PLXNC1: variants seen among roughly 807,000 people sequenced by gnomAD.
PLXNC1 encodes plexin-C1.
In PLXNC1, 75 loss-of-function variants were observed where a neutral mutation model predicts 178.2. That is an observed-to-expected ratio of 0.42 (90% confidence interval 0.35 to 0.51). PLXNC1 has a LOEUF of 0.51. Among genes scored for constraint, PLXNC1 ranks in the 20% least tolerant of loss-of-function variants. The pLI is 0.02. For synonymous variants in PLXNC1, 790 were observed against 779.9 expected (o/e 1.01, Z -0.22); for missense variants, 1,503 against 1,984.4 (o/e 0.76, Z 4.61).
At chr12:94,294,603 CCT>C (rs1967720776) in intron 24 of PLXNC1, 63 bp downstream of exon 24, 1 of 724,882 alleles carries the variant, frequency 1.4e-6, no homozygotes, top group South Asian at 1.6e-5. Context: ...TTGCTTTTTG[CCT>C]CTCTCAGCTG....
At chr12:94,179,267 T>C (rs1962214273) in intron 2 of PLXNC1, among the ~76,000 whole-genome samples, 1 of 152,258 alleles carries the variant, frequency 6.6e-6, no homozygotes, top group South Asian at 2.1e-4. Context: ...TGCCAAATTT[T>C]TCTTTTGAAA....
At chr12:94,245,613 G>T (rs1299364145) in intron 12 of PLXNC1, among the ~76,000 whole-genome samples, 2 of 152,190 alleles carry the variant, frequency 1.3e-5, no homozygotes, top group African/African-American at 4.8e-5. Flanking sequence ...AGTCCAAGAA[G>T]ACACCATTTC....
In PLXNC1 at chr12:94,222,160, G is replaced by A. The variant is rs181287639; in HGVS notation, c.1702+1997G>A. On this transcript the variant is annotated intron_variant, in intron 6 of 30. Transcript: ENST00000258526. ...TCTGGTTAATTTTGTTCATTAAAACGCAGACCTTGCTCACCTATAAAATAT... is the reference window on the plus strand; with the variant it reads ...TCTGGTTAATTTTGTTCATTAAAACACAGACCTTGCTCACCTATAAAATAT... Among the ~76,000 whole-genome samples the A allele has an allele frequency of 2.0e-4, 31 of 152,228 alleles. No individual in the cohort carries two copies. In the East Asian group the frequency reaches 2.9e-3, roughly 14 times the overall value.
intron 2 of PLXNC1, among the ~76,000 whole-genome samples, chr12:94,173,306 T>A (rs1961916153): frequency 6.6e-6 from 1 of 152,326 alleles, no homozygotes; most frequent in South Asian, 2.1e-4. Flanking sequence ...CATAGAAAAT[T>A]GTCCTTATTT....
chr12:94,226,376 T>C, intron 7 of PLXNC1: 1 of 465,654 alleles, frequency 2.1e-6, no homozygotes, highest in African/African-American at 2.0e-5. Flanking sequence ...GACCAGCAGG[T>C]GACCCAGCTT....
chr12:94,239,016 A>G (rs1421246812), intron 10 of PLXNC1, among the ~76,000 whole-genome samples: 1 of 152,216 alleles, frequency 6.6e-6, no homozygotes, highest in Non-Finnish European at 1.5e-5. Context: ...ATTCACTGAA[A>G]GGCAATCAAC....
intron 5 of PLXNC1, among the ~76,000 whole-genome samples, chr12:94,218,036 A>G (rs1479002370): frequency 6.6e-6 from 1 of 152,114 alleles, no homozygotes; most frequent in African/African-American, 2.4e-5. Context: ...AAATTCTGAT[A>G]CTCTTGTTAT....
intron 21 of PLXNC1, among the ~76,000 whole-genome samples, chr12:94,268,620 G>T (rs1185827185): frequency 2.1e-5 from 2 of 95,070 alleles, no homozygotes; most frequent in African/African-American, 4.9e-5. Flanking sequence ...TTTAATTTAA[G>T]GAATACCACT....
chr12:94,191,876 C>G (rs1159796807), intron 4 of PLXNC1, among the ~76,000 whole-genome samples: 1 of 152,012 alleles, frequency 6.6e-6, no homozygotes, highest in African/African-American at 2.4e-5. Flanking sequence ...TCAGATCCAA[C>G]CTGTGCTGAA....
At chr12:94,259,578 T>C (rs1964939979) in intron 18 of PLXNC1, 32 bp from the exon 19 acceptor site, 1 of 1,472,250 alleles carries the variant, frequency 6.8e-7, no homozygotes, top group African/African-American at 1.4e-5. Flanking sequence ...TATGATTTTG[T>C]ATTATACTAT....
intron 1 of PLXNC1, among the ~76,000 whole-genome samples, chr12:94,164,547 C>T (rs1300115730): frequency 6.6e-6 from 1 of 152,126 alleles, no homozygotes; most frequent in Admixed American, 6.5e-5. Flanking sequence ...ATGACTGGCA[C>T]CCCCTGCAGT....
chr12:94,164,678 C>T (rs1961528876), intron 1 of PLXNC1, among the ~76,000 whole-genome samples: 1 of 120,210 alleles, frequency 8.3e-6, no homozygotes, highest in Non-Finnish European at 1.7e-5. Context: ...CACACACACA[C>T]ACACACACAC....
At chr12:94,304,140 C>A in intron 30 of PLXNC1, 89 bp downstream of exon 30, 1 of 854,848 alleles carries the variant, frequency 1.2e-6, no homozygotes. Flanking sequence ...ACAGCTCTGG[C>A]ATCCCAAAAG....
At chr12:94,263,881 T>A (rs1011398531) in intron 20 of PLXNC1, among the ~76,000 whole-genome samples, 28 of 151,656 alleles carry the variant, frequency 1.8e-4, no homozygotes, top group African/African-American at 6.5e-4. Flanking sequence ...CTGCAGCAAG[T>A]ATAAAGGAAG....
intron 4 of PLXNC1, among the ~76,000 whole-genome samples, chr12:94,189,652 C>T (rs1229344628): frequency 6.7e-6 from 1 of 149,080 alleles, no homozygotes; most frequent in Non-Finnish European, 1.5e-5. Context: ...TACTTTCCAG[C>T]TTGGATGACA....
intron 30 of PLXNC1, among the ~76,000 whole-genome samples, chr12:94,304,729 C>A (rs1968822206): frequency 6.6e-6 from 1 of 152,090 alleles, no homozygotes; most frequent in Non-Finnish European, 1.5e-5. Flanking sequence ...GATAAGCATC[C>A]CTCGTTCCAG....
At chr12:94,227,035 G>A (rs1457671454) in intron 8 of PLXNC1, 114 bp from the exon 9 acceptor site, 5 of 781,378 alleles carry the variant, frequency 6.4e-6, no homozygotes, top group African/African-American at 1.7e-5. Flanking sequence ...AAAAAAAAAG[G>A]TTTAACCAAA....
intron 20 of PLXNC1, among the ~76,000 whole-genome samples, chr12:94,264,597 A>G (rs892610899): frequency 6.6e-6 from 1 of 152,248 alleles, no homozygotes; most frequent in Non-Finnish European, 1.5e-5. Context: ...TTAACACCAA[A>G]AAACATTGTA....
intron 22 of PLXNC1, chr12:94,279,880 G>T (rs893803713): frequency 1.5e-6 from 1 of 675,096 alleles, no homozygotes; most frequent in African/African-American, 1.8e-5. Context: ...GTTTGTTGTT[G>T]TTGTCTTTAA....
Sources: allele counts gnomAD v4.1 joint callset (sites outside exome capture counted in the v4.1 genomes callset), GRCh38; gene constraint gnomAD v4.1.1; transcripts MANE v1.5; gene names NCBI Gene and HGNC (gene_info 2026-07-23, HGNC 2026-07-21).